Variants in BRSK2 observed in about 807,000 individuals in gnomAD.
The protein encoded by BRSK2 is BR serine/threonine kinase 2.
A neutral mutation model predicts 83.3 loss-of-function variants in BRSK2; 19 were observed. The ratio of observed to expected loss-of-function variants is 0.23; its 90% CI spans 0.16 to 0.33. The LOEUF (loss-of-function observed/expected upper bound fraction) is 0.33, where lower values mean the gene tolerates loss of function less well. Ranked by LOEUF, BRSK2 falls within the 10% of genes least tolerant of loss-of-function variation. The pLI, the probability that BRSK2 is intolerant of heterozygous loss-of-function variation, is 1.00. For synonymous variants in BRSK2, 519 were observed against 435.4 expected, an observed-to-expected ratio of 1.19 and a Z score of -2.39; for missense variants, 798 against 1,042.3, an observed-to-expected ratio of 0.77 and a Z score of 3.23.
chr11:1,448,032 CGAG>C (rs1180478143), intron 12 of BRSK2, among the ~76,000 whole-genome samples: 3 of 152,132 alleles, frequency 2.0e-5, no homozygotes, highest in Non-Finnish European at 4.4e-5. Context: ...AGGCAGAGGC[CGAG>C]GAGGGGTGGG....
In BRSK2 at chr11:1,456,655, C is replaced by T; in HGVS notation, c.1907C>T (p.Thr636Ile). 6.2e-7 allele frequency: 1 copy of T among 1,609,538 alleles called. No homozygotes were observed. The highest frequency in any genetic ancestry group is 8.5e-7 in the Non-Finnish European group (1 of 1,178,718). The change falls in exon 18 of 20, where the codon ACA becomes ATA. Residue 636 changes from threonine (T) to isoleucine (I), a missense_variant. This residue lies in a region of BRSK2 where 455 missense variants were observed against 455.2 expected (regional missense o/e 1.00). Transcript: ENST00000528841. ...VETIQAQLLS[T>I]HDPPAAQHLS... Reference sequence around the variant, plus strand: ...ACCATCCAGGCCCAGCTGCTGAGCACACACGACCCGCCTGCGGCCCAGCAC... The same window carrying T: ...ACCATCCAGGCCCAGCTGCTGAGCATACACGACCCGCCTGCGGCCCAGCAC...
chr11:1,459,311 G>C, intron 19 of BRSK2, 72 bp downstream of exon 19: 1 of 1,552,284 alleles, frequency 6.4e-7, no homozygotes, highest in Non-Finnish European at 8.9e-7. Context: ...CGCTGTGGCC[G>C]CCACCTGCCG....
rs1847677336 is a variant in BRSK2 at position 1,412,835 on chromosome 11, C to CGCGTCCCAGGCAACCCT, written c.91+22472_91+22488dup. Among the ~76,000 whole-genome samples, 4 of 152,262 alleles carry CGCGTCCCAGGCAACCCT rather than the reference C, an allele frequency of 2.6e-5. No homozygotes were observed. In the South Asian group the frequency reaches 6.2e-4, roughly 24 times the overall value. On this transcript the variant is annotated intron_variant, in intron 1 of 19. Transcript: ENST00000528841. ...TAGCCCTGGCCGCACACAGCAACCCCGCGTCCCAGGCAACCCTGCGTCCCA... is the reference window on the plus strand; with the variant it reads ...TAGCCCTGGCCGCACACAGCAACCCCGCGTCCCAGGCAACCCTGCGTCCCAGGCAACCCTGCGTCCCA...
chr11:1,397,472 C>T (rs924137820), intron 1 of BRSK2, among the ~76,000 whole-genome samples: 1 of 152,230 alleles, frequency 6.6e-6, no homozygotes, highest in African/African-American at 2.4e-5. Flanking sequence ...TAAAGAGAAA[C>T]TCCTCGTTTT....
chr11:1,446,249 T>C (rs552334516), intron 12 of BRSK2, among the ~76,000 whole-genome samples: 78 of 106,548 alleles, frequency 7.3e-4, no homozygotes, highest in Non-Finnish European at 1.1e-3. Context: ...ACTGCGCGGC[T>C]GAGCAGGGTT....
chr11:1,457,075 CGG>C, intron 18 of BRSK2: 1 of 1,535,052 alleles, frequency 6.5e-7, no homozygotes, highest in Non-Finnish European at 8.7e-7. Flanking sequence ...TGTGCTGGGG[CGG>C]GGAGGGGCTG....
At chr11:1,397,447 C>G (rs536396448) in intron 1 of BRSK2, among the ~76,000 whole-genome samples, 4 of 152,218 alleles carry the variant, frequency 2.6e-5, no homozygotes, top group Non-Finnish European at 4.4e-5. Context: ...GCAGTGCTCC[C>G]GAAAGTCCTG....
Position 1,449,481 on chromosome 11 carries a change from C to T in BRSK2, c.1227-295C>T, listed in dbSNP as rs146470177. On this transcript the variant is annotated intron_variant, in intron 12 of 19. Coordinates refer to ENST00000528841, the MANE Select transcript of BRSK2 (RefSeq NM_001256627.2). ...CCCCTCGTCCTTCCGTCCACCCCCA[C>T]GCTGGATGGTCCTTTGCCGCGGCTG... Among the ~76,000 whole-genome samples the T allele has an allele frequency of 1.3e-3, 191 of 152,326 alleles. 2 individuals are homozygous for T. In the South Asian group the frequency reaches 0.016, roughly 13 times the overall value.
In BRSK2 at chr11:1,393,706, G is replaced by A. The variant is rs763962765; in HGVS notation, c.91+3331G>A. On this transcript the variant is annotated intron_variant, in intron 1 of 19. Coordinates refer to ENST00000528841, the MANE Select transcript of BRSK2 (RefSeq NM_001256627.2). ...TCATTGAAGATGGAACAGGTGAGGG[G>A]AGGGAGAGCCTGTGCCTGGGAGACC... Among the ~76,000 whole-genome samples, 35 of 152,134 alleles carry A rather than the reference G, an allele frequency of 2.3e-4. 1 individual carries two copies. Among genetic ancestry groups the A allele is most frequent in the Non-Finnish European group, 4.0e-4 (27 of 68,008 alleles).
chr11:1,457,248 A>G (rs7943573), intron 18 of BRSK2, among the ~76,000 whole-genome samples: 60,858 of 151,934 alleles, frequency 0.4, 12,800 homozygotes, highest in African/African-American at 0.51. Flanking sequence ...TGCCCTCGGG[A>G]CTCCCCGCCA....
chr11:1,424,592 C>G (rs1317058314), intron 1 of BRSK2, among the ~76,000 whole-genome samples: 3 of 152,202 alleles, frequency 2.0e-5, no homozygotes, highest in African/African-American at 4.8e-5. Context: ...GCTTTGTGCC[C>G]CGGCAGGACG....
chr11:1,447,395 C>T (rs958777543), intron 12 of BRSK2, among the ~76,000 whole-genome samples: 40 of 152,306 alleles, frequency 2.6e-4, no homozygotes, highest in African/African-American at 9.4e-4. Context: ...GCTGCAACTC[C>T]CAGGCCTGGC....
At position 1,454,044 on chromosome 11, in the gene BRSK2, C is replaced by G. The variant is rs1338799717; in HGVS notation, c.1545-441C>G. 4.4e-5 allele frequency: 7 copies of G among 157,604 alleles called. No homozygotes were observed. In the South Asian group the frequency reaches 9.5e-4, roughly 21 times the overall value. 9.8% of individuals were successfully genotyped at this position (157,604 alleles called of 1,614,324 possible). A position where few individuals can be genotyped will look rare whatever the true frequency, so the allele number is the denominator to read the frequency against. On this transcript the variant is annotated intron_variant, in intron 15 of 19. Transcript: ENST00000528841. The surrounding 1 kb of genome is among the most constrained non-coding windows in gnomAD (Gnocchi z 5.2). ...GTAGCCTTCTGTGGCCTCAGAAGCG[C>G]CTCCCCACTCTCCTGTTGGAAGCGA...
intron 12 of BRSK2, chr11:1,447,907 C>T: frequency 1.3e-6 from 2 of 1,545,466 alleles, no homozygotes; most frequent in Non-Finnish European, 1.8e-6. Context: ...CAGCCCCAGA[C>T]ACGCTGTCCT....
intron 15 of BRSK2, among the ~76,000 whole-genome samples, chr11:1,453,598 C>G (rs1470244347): frequency 6.6e-6 from 1 of 152,308 alleles, no homozygotes; most frequent in South Asian, 2.1e-4. Context: ...TGGACCTGGT[C>G]CCCGTGCTTG....
intron 1 of BRSK2, among the ~76,000 whole-genome samples, chr11:1,392,043 CCT>C (rs1463250843): frequency 6.6e-6 from 1 of 152,176 alleles, no homozygotes; most frequent in East Asian, 1.9e-4. Flanking sequence ...CAAAGCGGCC[CCT>C]CTCTCCCGAG....
Position 1,443,578 on chromosome 11 carries a change from C to A in BRSK2, c.723C>A (p.Pro241=). 6.2e-7 allele frequency: 1 copy of A among 1,610,494 alleles called. No individual in the cohort carries two copies. ...TCCACATGCCGCACTTTATCCCGCC[C>A]GACTGCCAGAGTCTGCTACGGGGCA... ...GVFHMPHFIP[P]DCQSLLRGMI... The change falls in exon 8 of 20, where the codon CCC becomes CCA. Residue 241 remains proline (P), a synonymous_variant. Coordinates refer to ENST00000528841, the MANE Select transcript of BRSK2 (RefSeq NM_001256627.2).
At chr11:1,433,639 A>G (rs1157747580) in intron 1 of BRSK2, among the ~76,000 whole-genome samples, 1 of 152,200 alleles carries the variant, frequency 6.6e-6, no homozygotes, top group Non-Finnish European at 1.5e-5. Context: ...GATGCAGGCC[A>G]GCCTCGTGCC....
At chr11:1,417,053 G>A (rs571958684) in intron 1 of BRSK2, among the ~76,000 whole-genome samples, 1 of 152,296 alleles carries the variant, frequency 6.6e-6, no homozygotes, top group African/African-American at 2.4e-5. Flanking sequence ...CAGCCACTCG[G>A]GAGGCTGAGG....
Sources: allele counts gnomAD v4.1 joint callset (sites outside exome capture counted in the v4.1 genomes callset), GRCh38; gene constraint gnomAD v4.1.1; regional missense constraint gnomAD v4.1.1; non-coding constraint Gnocchi (gnomAD v3.1); transcripts MANE v1.5; gene names NCBI Gene and HGNC (gene_info 2026-07-23, HGNC 2026-07-21).